Variants in RXRA observed in about 807,000 individuals in gnomAD.
RXRA encodes the protein retinoid X receptor alpha, also known as retinoic acid receptor RXR-alpha.
A neutral mutation model predicts 44.5 loss-of-function variants in RXRA; 5 were observed. The ratio of observed to expected loss-of-function variants is 0.11; its 90% CI spans 0.06 to 0.24. The LOEUF is 0.24. Among genes scored for constraint, RXRA ranks in the 10% least tolerant of loss-of-function variants. RXRA has a pLI of 1.00. For missense variants in RXRA, 412 were observed against 646.5 expected, an observed-to-expected ratio of 0.64 and a Z score of 3.93; for synonymous variants, 291 against 271.4, an observed-to-expected ratio of 1.07 and a Z score of -0.71.
At position 134,429,262 on chromosome 9, in the gene RXRA, G is replaced by A. The variant is rs772711930; in HGVS notation, c.1043+22G>A. 3 of 1,605,222 alleles carry A rather than the reference G, an allele frequency of 1.9e-6. No individual in the cohort carries two copies. The Admixed American group carries it at 5.0e-5, about 27-fold the overall frequency. ...ACAGGTGGGGGTGGTCCCGGGAGGG[G>A]CGAGGGCGCTTCGGTCACCTCCGCC... On this transcript the variant is annotated intron_variant, in intron 7 of 9. Coordinates refer to ENST00000481739, the MANE Select transcript of RXRA (RefSeq NM_002957.6).
rs181959152 is a variant in RXRA at position 134,394,906 on chromosome 9, C to T, written c.29-6726C>T. Among the ~76,000 whole-genome samples the T allele has an allele frequency of 5.6e-4, 82 of 145,684 alleles. 3 individuals are homozygous for T. In the East Asian group the frequency reaches 0.015, roughly 27 times the overall value. On this transcript the variant is annotated intron_variant, in intron 1 of 9. Transcript: ENST00000481739. ...CAGTGTTTGGCTCCTCCTGGGTGAGCGGATAGGGAGTCAAGACCCTGCTTT... is the reference window on the plus strand; with the variant it reads ...CAGTGTTTGGCTCCTCCTGGGTGAGTGGATAGGGAGTCAAGACCCTGCTTT...
rs775612621 is a variant in RXRA at position 134,434,220 on chromosome 9, C to G, written c.1241+13C>G. ...AGCAGCCGGGAAGGTGGGTCCCGCCCCGTCCCACACACACCCCAGACCCAG... is the reference window on the plus strand; with the variant it reads ...AGCAGCCGGGAAGGTGGGTCCCGCCGCGTCCCACACACACCCCAGACCCAG... On this transcript the variant is annotated intron_variant, in intron 9 of 9. Coordinates refer to ENST00000481739, the MANE Select transcript of RXRA (RefSeq NM_002957.6). 35 of 1,584,782 alleles carry G rather than the reference C, an allele frequency of 2.2e-5. No individual in the cohort carries two copies. The highest frequency in any genetic ancestry group is 1.7e-4 in the Middle Eastern group (1 of 6,026).
intron 1 of RXRA, among the ~76,000 whole-genome samples, chr9:134,330,512 G>A (rs1288697586): frequency 6.6e-6 from 1 of 152,186 alleles, no homozygotes; most frequent in African/African-American, 2.4e-5. Flanking sequence ...AGGGTGCTAT[G>A]GTGTGGGTAG....
chr9:134,429,799 G>A (rs570409529), intron 7 of RXRA, among the ~76,000 whole-genome samples: 51 of 152,266 alleles, frequency 3.3e-4, no homozygotes, highest in African/African-American at 1.1e-3. Context: ...TGGGTGGTCC[G>A]TGTCCGTTCA....
chr9:134,327,089 G>T (rs1475826075), intron 1 of RXRA, among the ~76,000 whole-genome samples: 4 of 152,014 alleles, frequency 2.6e-5, no homozygotes, highest in African/African-American at 9.7e-5. Context: ...CCTCTGCGCC[G>T]CCCGCCCGTC....
At chr9:134,431,776 C>T (rs1831535781) in intron 7 of RXRA, 129 bp from the exon 8 acceptor site, 1 of 654,732 alleles carries the variant, frequency 1.5e-6, no homozygotes. Flanking sequence ...GAGTCCTTGC[C>T]TTGGCTTGGC....
At chr9:134,399,819 C>T (rs977876686) in intron 1 of RXRA, among the ~76,000 whole-genome samples, 1 of 152,258 alleles carries the variant, frequency 6.6e-6, no homozygotes, top group African/African-American at 2.4e-5. Context: ...CAGCCAGGCC[C>T]CTGCAGTGCT....
At chr9:134,423,898 G>T in intron 6 of RXRA, 1 of 459,174 alleles carries the variant, frequency 2.2e-6, no homozygotes, top group Non-Finnish European at 2.8e-6. Context: ...CCACCAGACC[G>T]ATCCAGAGAA....
At position 134,409,023 on chromosome 9, in the gene RXRA, C is replaced by T. The variant is rs1384649916; in HGVS notation, c.514C>T (p.Arg172Cys). Reference protein sequence around the residue: ...TVRKDLTYTCRDNKDCLIDKR... With the variant: ...TVRKDLTYTCCDNKDCLIDKR... Reference sequence around the variant, plus strand: ...GCGCAAGGACCTGACCTACACCTGCCGCGACAACAAGGACTGCCTGATTGA... The same window carrying T: ...GCGCAAGGACCTGACCTACACCTGCTGCGACAACAAGGACTGCCTGATTGA... Residue 172 changes from arginine (R) to cysteine (C), a missense_variant, in exon 4 of 10, where the codon CGC becomes TGC. Arg to Cys is a radical substitution (Grantham distance 180, BLOSUM62 -3). Around this residue, in one of 4 missense-constraint regions of RXRA, gnomAD observed 48 missense variants for 119.9 expected, o/e 0.40. Transcript: ENST00000481739. The T allele has an allele frequency of 1.2e-6, 2 of 1,611,932 alleles. No homozygotes were observed. Among genetic ancestry groups the T allele is most frequent in the Non-Finnish European group, 8.5e-7 (1 of 1,179,158 alleles).
chr9:134,432,208 A>T (rs1352292878), intron 8 of RXRA, among the ~76,000 whole-genome samples: 1 of 151,322 alleles, frequency 6.6e-6, no homozygotes, highest in Non-Finnish European at 1.5e-5. Flanking sequence ...GTCCCTGGGC[A>T]CAGGGGGACC....
At chr9:134,423,516 A>T in intron 6 of RXRA, 1 of 985,456 alleles carries the variant, frequency 1.0e-6, no homozygotes, top group East Asian at 1.1e-4. Context: ...GGCTGTGTGT[A>T]TAGGGCCTGG....
chr9:134,434,421 G>A (rs1047093232), intron 9 of RXRA, among the ~76,000 whole-genome samples: 13 of 152,278 alleles, frequency 8.5e-5, no homozygotes, highest in African/African-American at 3.1e-4. Context: ...CCCACTGGAA[G>A]GATTACCTTG....
chr9:134,372,598 G>T (rs1830504330), intron 1 of RXRA, among the ~76,000 whole-genome samples: 3 of 152,172 alleles, frequency 2.0e-5, no homozygotes, highest in Admixed American at 2.0e-4. Flanking sequence ...CATCTTATGG[G>T]GTGGGTGTTA....
At chr9:134,383,490 C>T (rs956568794) in intron 1 of RXRA, among the ~76,000 whole-genome samples, 2 of 152,168 alleles carry the variant, frequency 1.3e-5, no homozygotes, top group African/African-American at 2.4e-5. Context: ...CACGGACCCT[C>T]ATTCCGAGTC....
intron 4 of RXRA, among the ~76,000 whole-genome samples, chr9:134,414,831 C>T (rs972323532): frequency 3.3e-5 from 5 of 152,186 alleles, no homozygotes; most frequent in Admixed American, 6.5e-5. Flanking sequence ...CTTCCTGCCC[C>T]GGGGGCTGCT....
At chr9:134,432,266 G>T (rs1831544484) in intron 8 of RXRA, among the ~76,000 whole-genome samples, 1 of 152,222 alleles carries the variant, frequency 6.6e-6, no homozygotes. Context: ...TCTGGGCTCC[G>T]CGGTTCATAG....
At chr9:134,399,314 A>G (rs1830926063) in intron 1 of RXRA, among the ~76,000 whole-genome samples, 1 of 152,210 alleles carries the variant, frequency 6.6e-6, no homozygotes, top group South Asian at 2.1e-4. Flanking sequence ...TTCTCATCAC[A>G]CACCTTCTCT....
rs1486780888 is a variant in RXRA at position 134,342,599 on chromosome 9, T to G, written c.28+15940T>G. Among the ~76,000 whole-genome samples the G allele has an allele frequency of 6.6e-6, 1 of 152,122 alleles. No homozygotes were observed. Among genetic ancestry groups the G allele is most frequent in the African/African-American group, 2.4e-5 (1 of 41,430 alleles). ...CAGCAAGCTGTGGGCAAGGGACTGC[T>G]TGGGAGCTGCTGTGAGCCCAGGCAG... On this transcript the variant is annotated intron_variant, in intron 1 of 9. Transcript: ENST00000481739. This position sits in a 1 kb window ranked among gnomAD's most constrained non-coding sequence, Gnocchi z 4.4.
rs1830190941 is a variant in RXRA at position 134,349,181 on chromosome 9, A to C, written c.28+22522A>C. 6.6e-6 allele frequency among the ~76,000 whole-genome samples: 1 copy of C among 152,190 alleles called. No individual in the cohort carries two copies. ...TGAGGGCCTGCACAGAGGGTCTTGCAGAAGAAGGGTCTGGCTGGGCCTGCA... is the reference window on the plus strand; with the variant it reads ...TGAGGGCCTGCACAGAGGGTCTTGCCGAAGAAGGGTCTGGCTGGGCCTGCA... On this transcript the variant is annotated intron_variant, in intron 1 of 9. Transcript: ENST00000481739. The surrounding 1 kb of genome is among the most constrained non-coding windows in gnomAD (Gnocchi z 4.3).
Sources: gnomAD v4.1 joint callset for allele counts (sites outside exome capture counted in the v4.1 genomes callset) on GRCh38, gnomAD v4.1.1 for gene constraint, gnomAD v4.1.1 regional missense constraint, Gnocchi (gnomAD v3.1) non-coding constraint, MANE v1.5 for transcripts, NCBI Gene and HGNC (gene_info 2026-07-23, HGNC 2026-07-21) for gene names.